Variants in SAMD5 observed in about 807,000 individuals in gnomAD.
SAMD5 encodes the protein sterile alpha motif domain containing 5.
SAMD5 carries 13 observed loss-of-function variants against 11.3 expected under a neutral mutation model. The observed-to-expected ratio is 1.15, with a 90% CI of 0.75 to 1.83. SAMD5 has a LOEUF of 1.83. SAMD5 is among the 40% of genes most tolerant of loss of function. The pLI is 0.00. For synonymous variants in SAMD5, 129 were observed against 111.3 expected, an observed-to-expected ratio of 1.16 and a Z score of -1.00; for missense variants, 255 against 239.1, an observed-to-expected ratio of 1.07 and a Z score of -0.44.
chr6:147,610,509 G>A (rs929372602), intron 1 of SAMD5, among the ~76,000 whole-genome samples: 2 of 152,214 alleles, frequency 1.3e-5, no homozygotes, highest in Non-Finnish European at 2.9e-5. Context: ...TTGTATTCAA[G>A]CATGGAATTG....
At chr6:147,742,895 C>T in the SAMD5 span, among the ~76,000 whole-genome samples, 2 of 152,114 alleles carry the variant, frequency 1.3e-5, no homozygotes, top group African/African-American at 4.8e-5. Context: ...ACTTGTTGTA[C>T]ATAGAGGCTA....
the SAMD5 span, among the ~76,000 whole-genome samples, chr6:147,882,675 G>C: frequency 4.9e-3 from 739 of 152,334 alleles, 9 homozygotes; most frequent in African/African-American, 0.016. Flanking sequence ...TACGGCATTT[G>C]TTCAGCAAAC....
At chr6:147,651,074 T>C (rs957985096) in intron 1 of SAMD5, among the ~76,000 whole-genome samples, 22 of 152,228 alleles carry the variant, frequency 1.4e-4, no homozygotes, top group East Asian at 1.9e-4. Context: ...CCCATATTCA[T>C]GAAAGAAACA....
intron 1 of SAMD5, among the ~76,000 whole-genome samples, chr6:147,661,181 G>C (rs1447178687): frequency 3.3e-5 from 5 of 151,982 alleles, no homozygotes; most frequent in African/African-American, 1.2e-4. Context: ...ACATGAAAAA[G>C]AAACTAGAAT....
intron 1 of SAMD5, among the ~76,000 whole-genome samples, chr6:147,667,067 TCTC>T (rs1790733403): frequency 6.6e-6 from 1 of 152,146 alleles, no homozygotes; most frequent in Admixed American, 6.6e-5. Context: ...ATTGCCCTGC[TCTC>T]CATGAGCTGC....
the SAMD5 span, among the ~76,000 whole-genome samples, chr6:147,867,882 C>T: frequency 2.0e-5 from 3 of 152,106 alleles, no homozygotes; most frequent in Non-Finnish European, 4.4e-5. Context: ...AACAAACAAA[C>T]AAAACAATTC....
the SAMD5 span, among the ~76,000 whole-genome samples, chr6:147,850,566 C>A: frequency 6.6e-6 from 1 of 152,234 alleles, no homozygotes; most frequent in Non-Finnish European, 1.5e-5. Flanking sequence ...GTTACACAAT[C>A]CTAAATTTTG....
chr6:147,582,107 C>G (rs1410980459), intron 1 of SAMD5, among the ~76,000 whole-genome samples: 1 of 135,144 alleles, frequency 7.4e-6, no homozygotes, highest in East Asian at 2.3e-4. Context: ...ACCTGTAATC[C>G]CAGCACTTTG....
At chr6:147,886,133 C>G in the SAMD5 span, among the ~76,000 whole-genome samples, 1 of 152,100 alleles carries the variant, frequency 6.6e-6, no homozygotes, top group Non-Finnish European at 1.5e-5. Flanking sequence ...GGAATACAAT[C>G]ATGACTCATT....
Position 147,726,229 on chromosome 6 carries a change from G to A in SAMD5, c.163-11088G>A, listed in dbSNP as rs113491581. ...TGTCCCCTAACTACCACCCACCCCC[G>A]TTCCTCCTTACTTCTGCATCCATTT... is the stretch of plus-strand genomic sequence containing the variant. On this transcript the variant is annotated intron_variant, in intron 1 of 1. Transcript: ENST00000566741. Among the ~76,000 whole-genome samples the A allele has an allele frequency of 3.5e-3, 527 of 152,100 alleles. 1 individual carries two copies. The highest frequency in any genetic ancestry group is 0.012 in the African/African-American group (498 of 41,502).
chr6:147,948,490 A>G, the SAMD5 span, among the ~76,000 whole-genome samples: 30 of 152,238 alleles, frequency 2.0e-4, no homozygotes, highest in Non-Finnish European at 1.0e-4. Context: ...ATCTTACGTT[A>G]TAGGTTCAGA....
chr6:147,761,237 G>A, the SAMD5 span, among the ~76,000 whole-genome samples: 1 of 151,988 alleles, frequency 6.6e-6, no homozygotes, highest in East Asian at 1.9e-4. Flanking sequence ...AAATCTGAAT[G>A]ATAATATATA....
In SAMD5 at chr6:147,621,005, C is replaced by G. The variant is rs112976081; in HGVS notation, c.162+111618C>G. ...GTGTGTGTGTGCGCGCGCGCACATG[C>G]GCGCGCATGTAGGGAAAAATTTGGA... is the stretch of plus-strand genomic sequence containing the variant. On this transcript the variant is annotated intron_variant, in intron 1 of 1. Coordinates refer to the SAMD5 transcript ENST00000566741. 2.0e-3 allele frequency among the ~76,000 whole-genome samples: 295 copies of G among 151,232 alleles called. 2 individuals carry two copies. Among genetic ancestry groups the G allele is most frequent in the Middle Eastern group, 6.9e-3 (2 of 288 alleles).
At position 147,565,022 on chromosome 6, in the gene SAMD5, A is replaced by G; in HGVS notation, c.*566A>G. On this transcript the variant is annotated 3_prime_UTR_variant, in exon 2 of 2. Coordinates refer to ENST00000367474, the MANE Select transcript of SAMD5 (RefSeq NM_001030060.3). ...TTCTTATTTTAAGGTGCTTTTATAT[A>G]GTTATTTTGTATATTGGTACAATGT... is the stretch of plus-strand genomic sequence containing the variant. 1.1e-6 allele frequency: 1 copy of G among 932,828 alleles called. No individual in the cohort carries two copies. Among genetic ancestry groups the G allele is most frequent in the Non-Finnish European group, 1.3e-6 (1 of 782,404 alleles). The allele number at this position is 932,828 out of a possible 1,614,324, so 57.8% of individuals were successfully genotyped here.
chr6:147,820,607 G>A, the SAMD5 span, among the ~76,000 whole-genome samples: 1 of 152,158 alleles, frequency 6.6e-6, no homozygotes, highest in Admixed American at 6.5e-5. Flanking sequence ...AAGTTACACC[G>A]TAGGAGACCA....
chr6:147,611,764 T>G (rs1412518977), intron 1 of SAMD5, among the ~76,000 whole-genome samples: 1 of 152,166 alleles, frequency 6.6e-6, no homozygotes, highest in Non-Finnish European at 1.5e-5. Flanking sequence ...CAGAGTCACC[T>G]GAAGTACTAC....
chr6:147,831,877 G>A, the SAMD5 span, among the ~76,000 whole-genome samples: 1 of 151,934 alleles, frequency 6.6e-6, no homozygotes, highest in Non-Finnish European at 1.5e-5. Flanking sequence ...CTTTTGATTT[G>A]GTAGAATATC....
At chr6:147,696,409 G>T (rs528436081) in intron 1 of SAMD5, among the ~76,000 whole-genome samples, 22 of 152,298 alleles carry the variant, frequency 1.4e-4, no homozygotes, top group African/African-American at 5.1e-4. Flanking sequence ...CTGGCATCCT[G>T]GAGTAACACA....
the SAMD5 span, among the ~76,000 whole-genome samples, chr6:147,791,387 C>A: frequency 6.6e-6 from 1 of 152,022 alleles, no homozygotes; most frequent in Admixed American, 6.6e-5. Flanking sequence ...TAGATCTCAT[C>A]AAAAATTTAG....
Sources: gnomAD v4.1 joint callset for allele counts (sites outside exome capture counted in the v4.1 genomes callset) on GRCh38, gnomAD v4.1.1 for gene constraint, MANE v1.5 for transcripts, NCBI Gene and HGNC (gene_info 2026-07-23, HGNC 2026-07-21) for gene names.